CRB1: variants seen among roughly 807,000 people sequenced by gnomAD.
CRB1 encodes the protein crumbs cell polarity complex component 1.
Under a neutral mutation model 120.0 loss-of-function variants are expected in CRB1, and 83 were observed. The observed-to-expected ratio is 0.69, with a 90% CI of 0.58 to 0.83. The LOEUF is 0.83. CRB1 is among the 40% of genes least tolerant of loss of function. The pLI is 0.00. For synonymous variants in CRB1, 625 were observed against 612.5 expected (o/e 1.02, Z -0.30); for missense variants, 1,699 against 1,687.6 (o/e 1.01, Z -0.12).
intron 1 of CRB1, among the ~76,000 whole-genome samples, chr1:197,269,965 C>A (rs1654819497): frequency 6.6e-6 from 1 of 152,108 alleles, no homozygotes; most frequent in East Asian, 1.9e-4. Context: ...TTTGAAGTCT[C>A]ATTTTCTTCG....
chr1:197,311,244 G>A (rs1011543348), intron 1 of CRB1, among the ~76,000 whole-genome samples: 18 of 152,172 alleles, frequency 1.2e-4, no homozygotes, highest in African/African-American at 4.1e-4. Context: ...TGACAACATG[G>A]ATGAACCTTG....
the CRB1 span, chr1:197,223,349 T>A: frequency 1.9e-6 from 1 of 531,146 alleles, no homozygotes; most frequent in Non-Finnish European, 3.4e-6. Flanking sequence ...ATAGCATACT[T>A]TAAATTTATT....
the CRB1 span, among the ~76,000 whole-genome samples, chr1:197,232,383 G>A: frequency 2.0e-5 from 3 of 152,072 alleles, no homozygotes; most frequent in African/African-American, 4.8e-5. Context: ...TAAGACAACC[G>A]AGATAAAATG....
At chr1:197,349,153 A>G (rs1659946690) in intron 4 of CRB1, among the ~76,000 whole-genome samples, 1 of 152,218 alleles carries the variant, frequency 6.6e-6, no homozygotes, top group Non-Finnish European at 1.5e-5. Flanking sequence ...TAGATACACA[A>G]ATACCATTGT....
chr1:197,228,479 C>A, the CRB1 span, among the ~76,000 whole-genome samples: 1 of 152,304 alleles, frequency 6.6e-6, no homozygotes, highest in African/African-American at 2.4e-5. Flanking sequence ...CAAGAGTCAC[C>A]TTTACTCCAG....
At chr1:197,366,153 T>A (rs1420555490) in intron 5 of CRB1, among the ~76,000 whole-genome samples, 1 of 152,116 alleles carries the variant, frequency 6.6e-6, no homozygotes, top group Non-Finnish European at 1.5e-5. Context: ...AATGACTATA[T>A]TTATAATTAA....
At chr1:197,417,199 C>A (rs1161461494) in intron 5 of CRB1, among the ~76,000 whole-genome samples, 1 of 152,102 alleles carries the variant, frequency 6.6e-6, no homozygotes, top group Non-Finnish European at 1.5e-5. Flanking sequence ...CCAGTGTCAT[C>A]TAAAGTTGGT....
the CRB1 span, among the ~76,000 whole-genome samples, chr1:197,229,214 G>T: frequency 6.6e-6 from 1 of 152,192 alleles, no homozygotes; most frequent in Non-Finnish European, 1.5e-5. Flanking sequence ...TTCTGTCGTA[G>T]TAGCTCAAAC....
intron 5 of CRB1, among the ~76,000 whole-genome samples, chr1:197,381,933 T>A (rs1253093751): frequency 6.6e-6 from 1 of 152,148 alleles, no homozygotes; most frequent in Non-Finnish European, 1.5e-5. Context: ...CTTGCAGATG[T>A]GTTTGATGCT....
intron 8 of CRB1, among the ~76,000 whole-genome samples, chr1:197,432,348 C>A (rs1664909457): frequency 7.1e-6 from 1 of 140,464 alleles, no homozygotes; most frequent in Admixed American, 7.7e-5. Flanking sequence ...CAACTCCAAA[C>A]CTGGTTGAAA....
chr1:197,377,100 T>C (rs1661689894), intron 5 of CRB1, among the ~76,000 whole-genome samples: 1 of 152,124 alleles, frequency 6.6e-6, no homozygotes, highest in Non-Finnish European at 1.5e-5. Context: ...CCCACAAAAA[T>C]GCCACCTCTC....
chr1:197,313,224 G>A (rs1474851582), intron 1 of CRB1, among the ~76,000 whole-genome samples: 1 of 152,142 alleles, frequency 6.6e-6, no homozygotes, highest in East Asian at 1.9e-4. Flanking sequence ...GAACATCATG[G>A]GGGAAATCTG....
intron 5 of CRB1, among the ~76,000 whole-genome samples, chr1:197,367,374 A>G (rs1476779875): frequency 6.6e-6 from 1 of 152,214 alleles, no homozygotes; most frequent in Non-Finnish European, 1.5e-5. Context: ...AAAAGGCACC[A>G]TTAGATAAAT....
intron 10 of CRB1, chr1:197,440,969 T>C (rs1225033033): frequency 1.3e-5 from 2 of 152,240 alleles, no homozygotes; most frequent in Non-Finnish European, 2.9e-5. Context: ...TCAGCTATGC[T>C]TGGTATCCAA....
chr1:197,336,438 ATAATAT>A (rs898793281), intron 2 of CRB1, among the ~76,000 whole-genome samples: 4 of 144,182 alleles, frequency 2.8e-5, no homozygotes, highest in African/African-American at 8.1e-5. Flanking sequence ...TTCATGAGAA[ATAATAT>A]TATTATATCA....
chr1:197,469,000 T>C (rs1666866691), intron 11 of CRB1, among the ~76,000 whole-genome samples: 1 of 152,150 alleles, frequency 6.6e-6, no homozygotes, highest in Non-Finnish European at 1.5e-5. Flanking sequence ...GCCCCGGCAC[T>C]AGCTAGGCTG....
intron 5 of CRB1, among the ~76,000 whole-genome samples, chr1:197,368,558 AGATAT>A (rs1283916111): frequency 6.6e-6 from 1 of 152,212 alleles, no homozygotes; most frequent in Non-Finnish European, 1.5e-5. Context: ...TTATTTAGAA[AGATAT>A]TATAGCAAGG....
chr1:197,307,902 G>A (rs149185128), intron 1 of CRB1, among the ~76,000 whole-genome samples: 1 of 152,044 alleles, frequency 6.6e-6, no homozygotes, highest in East Asian at 1.9e-4. Flanking sequence ...CTCTCTTTTC[G>A]AGCTACCATT....
At chr1:197,269,410 A>G (rs554333847) in intron 1 of CRB1, among the ~76,000 whole-genome samples, 2 of 152,374 alleles carry the variant, frequency 1.3e-5, no homozygotes, top group African/African-American at 4.8e-5. Flanking sequence ...GAGTGAAGAA[A>G]TAAGTAAATG....
Sources: allele counts gnomAD v4.1 joint callset (sites outside exome capture counted in the v4.1 genomes callset), GRCh38; gene constraint gnomAD v4.1.1; transcripts MANE v1.5; gene names NCBI Gene and HGNC (gene_info 2026-07-23, HGNC 2026-07-21).